Variants in CMIP observed in about 807,000 individuals in gnomAD.
CMIP encodes the protein C-Maf-inducing protein.
In CMIP, 13 loss-of-function variants were observed where a neutral mutation model predicts 97.3. The ratio of observed to expected loss-of-function variants is 0.13; its 90% confidence interval spans 0.09 to 0.21. CMIP has a LOEUF of 0.21. Among genes scored for constraint, CMIP ranks in the 10% least tolerant of loss-of-function variants. The pLI, the probability that CMIP is intolerant of heterozygous loss-of-function variation, is 1.00. For synonymous variants in CMIP, 538 were observed against 436.3 expected (o/e 1.23, Z -2.91); for missense variants, 847 against 1,024.9 (o/e 0.83, Z 2.37).
intron 1 of CMIP, chr16:81,520,625 AAG>A (rs1337100096): frequency 2.0e-5 from 3 of 147,234 alleles, no homozygotes; most frequent in Admixed American, 6.8e-5. Context: ...AAGAAAAAGA[AAG>A]AAAATCAAGA....
chr16:81,691,645 G>A, intron 10 of CMIP, 130 bp from the exon 11 acceptor site: 1 of 716,224 alleles, frequency 1.4e-6, no homozygotes, highest in Non-Finnish European at 2.5e-6. Context: ...GTGGAAGTGG[G>A]TGGAGAAGTC....
chr16:81,636,754 T>C (rs1485188420), intron 3 of CMIP, among the ~76,000 whole-genome samples: 5 of 152,106 alleles, frequency 3.3e-5, no homozygotes, highest in Admixed American at 2.6e-4. Flanking sequence ...ATTTGAAACA[T>C]TGCAGATAAA....
intron 4 of CMIP, among the ~76,000 whole-genome samples, chr16:81,653,289 G>C (rs1180888347): frequency 6.6e-6 from 1 of 152,170 alleles, no homozygotes; most frequent in East Asian, 1.9e-4. Context: ...GCAAGTGCCT[G>C]GCTGCCTGGA....
chr16:81,511,587 G>T lies in CMIP; in HGVS notation c.300+66046G>T, dbSNP rs1294043084. On this transcript the variant is annotated intron_variant, in intron 1 of 20. Transcript: ENST00000537098. Reference sequence around the variant, plus strand: ...AATTCCTAGTTTGTTTTTACACAAGGTCTCACTCTGTTGCTCAGGCTGGAG... The same window carrying T: ...AATTCCTAGTTTGTTTTTACACAAGTTCTCACTCTGTTGCTCAGGCTGGAG... Among the ~76,000 whole-genome samples the T allele has an allele frequency of 2.0e-5, 3 of 152,100 alleles. No individual in the cohort carries two copies. In the South Asian group the frequency reaches 6.2e-4, roughly 32 times the overall value.
chr16:81,571,587 CAAAAAAAAAAA>C (rs397854647), intron 1 of CMIP, among the ~76,000 whole-genome samples: 1 of 87,488 alleles, frequency 1.1e-5, no homozygotes, highest in African/African-American at 4.7e-5. Context: ...TCATCTCTAC[CAAAAAAAAAAA>C]AAAAAAAAAA....
intron 4 of CMIP, among the ~76,000 whole-genome samples, chr16:81,653,410 G>A (rs1423887949): frequency 4.6e-5 from 7 of 152,258 alleles, no homozygotes; most frequent in Non-Finnish European, 7.3e-5. Flanking sequence ...AGGAGGAGGC[G>A]AGGTGGGAGG....
chr16:81,483,133 G>A (rs550074013), intron 1 of CMIP, among the ~76,000 whole-genome samples: 10 of 152,354 alleles, frequency 6.6e-5, no homozygotes, highest in Non-Finnish European at 1.5e-4. Context: ...AATGGGGAGG[G>A]TGTGGCGTCT....
chr16:81,475,557 C>T (rs1305540609), intron 1 of CMIP, among the ~76,000 whole-genome samples: 1 of 152,060 alleles, frequency 6.6e-6, no homozygotes, highest in Non-Finnish European at 1.5e-5. Context: ...TGCAATCCAG[C>T]TAGGCATGGA....
chr16:81,561,369 T>C (rs1440439338), intron 1 of CMIP, among the ~76,000 whole-genome samples: 3 of 152,174 alleles, frequency 2.0e-5, no homozygotes, highest in African/African-American at 4.8e-5. Flanking sequence ...AGGGACAACA[T>C]TGAACAGAGC....
rs2092469613 is a variant in CMIP at position 81,655,250 on chromosome 16, C to T, written c.640-2525C>T. Among the ~76,000 whole-genome samples, 1 of 152,134 alleles carries T rather than the reference C, an allele frequency of 6.6e-6. No homozygotes were observed. Among genetic ancestry groups the T allele is most frequent in the African/African-American group, 2.4e-5 (1 of 41,422 alleles). ...CTGGGTTGTTTCTCTGTTCTGTTTG[C>T]CCAAGTTGTTTGCAAGGCCTCCTCT... On this transcript the variant is annotated intron_variant, in intron 4 of 20. Coordinates refer to ENST00000537098, the MANE Select transcript of CMIP (RefSeq NM_198390.3). This position sits in a 1 kb window ranked among gnomAD's most constrained non-coding sequence, Gnocchi z 4.9.
intron 7 of CMIP, among the ~76,000 whole-genome samples, chr16:81,669,252 TCACA>T (rs1428389746): frequency 3.2e-5 from 3 of 92,928 alleles, no homozygotes; most frequent in African/African-American, 4.4e-5. Context: ...CACCCACCTC[TCACA>T]CTCACCTCCT....
intron 1 of CMIP, among the ~76,000 whole-genome samples, chr16:81,598,942 CTGAG>C (rs1198619038): frequency 7.5e-6 from 1 of 133,170 alleles, no homozygotes; most frequent in Non-Finnish European, 1.5e-5. Context: ...GTACTCCAGC[CTGAG>C]TGACAGAGCA....
chr16:81,474,196 G>A (rs1230712975), intron 1 of CMIP, among the ~76,000 whole-genome samples: 4 of 152,204 alleles, frequency 2.6e-5, no homozygotes, highest in Admixed American at 6.5e-5. Context: ...GCTTGTGGGC[G>A]TGGACTTTGT....
At chr16:81,650,431 A>AG (rs2092414287) in intron 3 of CMIP, among the ~76,000 whole-genome samples, 1 of 152,150 alleles carries the variant, frequency 6.6e-6, no homozygotes, top group Non-Finnish European at 1.5e-5. Context: ...AGAAGGAGAA[A>AG]GAAGGAGCAG....
At chr16:81,662,149 C>T (rs991254987) in intron 6 of CMIP, among the ~76,000 whole-genome samples, 1 of 151,672 alleles carries the variant, frequency 6.6e-6, no homozygotes, top group Admixed American at 6.6e-5. Flanking sequence ...GCCAGCTGCT[C>T]CTCTGCCTGT....
intron 1 of CMIP, among the ~76,000 whole-genome samples, chr16:81,505,323 C>T (rs1321268246): frequency 6.6e-6 from 1 of 152,178 alleles, no homozygotes; most frequent in Non-Finnish European, 1.5e-5. Context: ...GAGAACTGGG[C>T]CTGTGTGGAG....
At chr16:81,552,063 G>C (rs1373872054) in intron 1 of CMIP, among the ~76,000 whole-genome samples, 2 of 152,180 alleles carry the variant, frequency 1.3e-5, no homozygotes, top group Non-Finnish European at 2.9e-5. Flanking sequence ...AGCGCTGGCA[G>C]CTGCATCCTT....
chr16:81,651,428 G>T, intron 3 of CMIP: 1 of 973,454 alleles, frequency 1.0e-6, no homozygotes, highest in South Asian at 4.7e-5. Flanking sequence ...CCAAGCAAAG[G>T]TGAGAGCACT....
At chr16:81,565,366 G>C (rs144404763) in intron 1 of CMIP, among the ~76,000 whole-genome samples, 11 of 152,306 alleles carry the variant, frequency 7.2e-5, no homozygotes, top group African/African-American at 2.6e-4. Flanking sequence ...AGGAGTTGTT[G>C]GCAAGCAGGT....
Sources: gnomAD v4.1 joint callset for allele counts (sites outside exome capture counted in the v4.1 genomes callset) on GRCh38, gnomAD v4.1.1 for gene constraint, Gnocchi (gnomAD v3.1) non-coding constraint, MANE v1.5 for transcripts, NCBI Gene and HGNC (gene_info 2026-07-23, HGNC 2026-07-21) for gene names.